The following CIMIP2A variants were observed in gnomAD, a reference collection of about 807,000 sequenced individuals.
CIMIP2A encodes the protein ciliary microtubule inner protein 2A, also known as family with sequence similarity 166 member A.
chr9:137,252,990 G>A, the CIMIP2A span: 1 of 1,576,152 alleles, frequency 6.3e-7, no homozygotes, highest in South Asian at 1.2e-5. Flanking sequence ...AGAGAAGAGG[G>A]CTAGGGATGG....
At chr9:137,244,965 G>A in the CIMIP2A span, 3 of 1,604,080 alleles carry the variant, frequency 1.9e-6, no homozygotes, top group Admixed American at 1.7e-5. Flanking sequence ...GTCCCCCCAG[G>A]CCGCTAGCCT....
the CIMIP2A span, among the ~76,000 whole-genome samples, chr9:137,249,164 C>G: frequency 6.6e-6 from 1 of 152,040 alleles, no homozygotes; most frequent in African/African-American, 2.4e-5. Flanking sequence ...CCAATATGAC[C>G]TTTTTAAGAA....
At chr9:137,254,792 T>G in the CIMIP2A span, among the ~76,000 whole-genome samples, 2 of 151,120 alleles carry the variant, frequency 1.3e-5, no homozygotes, top group African/African-American at 4.9e-5. Context: ...AGCCTCCCGG[T>G]GCCTGGGAGG....
the CIMIP2A span, among the ~76,000 whole-genome samples, chr9:137,247,924 G>T: frequency 6.6e-6 from 1 of 152,198 alleles, no homozygotes; most frequent in East Asian, 1.9e-4. Context: ...GAGGAGTTGC[G>T]GTGAGGCAGG....
At chr9:137,244,266 CAG>C in the CIMIP2A span, 1 of 1,613,818 alleles carries the variant, frequency 6.2e-7, no homozygotes, top group Non-Finnish European at 8.5e-7. Context: ...GCCCAGGTCA[CAG>C]TGGGGGTTTC....
chr9:137,253,468 C>T, the CIMIP2A span: 19 of 1,433,058 alleles, frequency 1.3e-5, no homozygotes, highest in Non-Finnish European at 1.6e-5. Context: ...CACTGAGATG[C>T]TGTTGGTTTT....
chr9:137,251,703 G>C, the CIMIP2A span: 1 of 1,551,280 alleles, frequency 6.4e-7, no homozygotes, highest in Admixed American at 2.0e-5. Context: ...GGAGCGGCCG[G>C]GGGCTGAGAC....
At chr9:137,252,343 G>A in the CIMIP2A span, 133 of 1,412,518 alleles carry the variant, frequency 9.4e-5, no homozygotes, top group Non-Finnish European at 1.3e-4. Context: ...CAAGGGTTCA[G>A]GGGCCGAGGG....
At chr9:137,250,747 C>G in the CIMIP2A span, 1 of 160,928 alleles carries the variant, frequency 6.2e-6, no homozygotes, top group Non-Finnish European at 1.4e-5. Flanking sequence ...GGCTCCAAGG[C>G]CCGGCCTGCC....
At chr9:137,252,780 G>A in the CIMIP2A span, 1 of 1,561,702 alleles carries the variant, frequency 6.4e-7, no homozygotes, top group Non-Finnish European at 8.7e-7. Context: ...GGGCTGCCTG[G>A]GGCTAGGGGG....
the CIMIP2A span, chr9:137,244,285 G>C: frequency 1.5e-4 from 245 of 1,596,514 alleles, 2 homozygotes; most frequent in African/African-American, 2.8e-3. Flanking sequence ...TTTCTAAACA[G>C]GAACTGGGGA....
At chr9:137,251,196 G>A in the CIMIP2A span, 1 of 954,026 alleles carries the variant, frequency 1.0e-6, no homozygotes, top group Non-Finnish European at 1.7e-6. Flanking sequence ...CAGACAATGT[G>A]TCTTCCTCAG....
the CIMIP2A span, chr9:137,245,229 G>T: frequency 3.8e-6 from 6 of 1,577,016 alleles, no homozygotes; most frequent in Non-Finnish European, 1.7e-6. Context: ...CTGGAGCGGG[G>T]AGGAAGCGGA....
chr9:137,245,752 C>A, the CIMIP2A span: 4 of 1,587,198 alleles, frequency 2.5e-6, no homozygotes, highest in Non-Finnish European at 3.4e-6. Flanking sequence ...CAGCACAGAG[C>A]AGGGGCTCTT....
the CIMIP2A span, chr9:137,251,137 G>A: frequency 2.8e-5 from 19 of 675,122 alleles, no homozygotes; most frequent in East Asian, 4.6e-4. Flanking sequence ...TCTAGTTAGT[G>A]GGGGAGGGGC....
chr9:137,250,456 GC>G, the CIMIP2A span: 1 of 152,340 alleles, frequency 6.6e-6, no homozygotes, highest in East Asian at 1.9e-4. Context: ...TGCCTGGCAG[GC>G]CCAGTGCTGA....
chr9:137,244,837 C>T, the CIMIP2A span: 66 of 1,568,180 alleles, frequency 4.2e-5, no homozygotes, highest in East Asian at 7.2e-4. Flanking sequence ...GGCAAGGCTC[C>T]CTTTCGTTCC....
chr9:137,251,577 G>T, the CIMIP2A span, among the ~76,000 whole-genome samples: 1 of 150,028 alleles, frequency 6.7e-6, no homozygotes, highest in Admixed American at 6.6e-5. Context: ...GGGGACAGGC[G>T]GCTGGGAGCG....
chr9:137,245,100 T>C, the CIMIP2A span: 2 of 1,609,090 alleles, frequency 1.2e-6, no homozygotes, highest in South Asian at 2.2e-5. Context: ...TGAGATGGCC[T>C]TGCGTTGGAT....
Sources: gnomAD v4.1 joint callset for allele counts (sites outside exome capture counted in the v4.1 genomes callset) on GRCh38, gnomAD v4.1.1 for gene constraint, MANE v1.5 for transcripts, NCBI Gene and HGNC (gene_info 2026-07-23, HGNC 2026-07-21) for gene names.